ARHGAP25: variants seen among roughly 807,000 people sequenced by gnomAD.
The protein encoded by ARHGAP25 is rho GTPase-activating protein 25.
In ARHGAP25, 34 loss-of-function variants were observed where a neutral mutation model predicts 71.0. The ratio of observed to expected loss-of-function variants is 0.48; its 90% CI spans 0.36 to 0.64. The LOEUF (loss-of-function observed/expected upper bound fraction) is 0.64, where lower values mean the gene tolerates loss of function less well. Ranked by LOEUF, ARHGAP25 falls within the 30% of genes least tolerant of loss-of-function variation. The pLI is 0.00. For missense variants in ARHGAP25, 706 were observed against 805.1 expected (o/e 0.88, Z 1.49); for synonymous variants, 282 against 296.5 (o/e 0.95, Z 0.50).
At chr2:68,727,272 C>T (rs1674908099) in intron 2 of ARHGAP25, among the ~76,000 whole-genome samples, 1 of 152,204 alleles carries the variant, frequency 6.6e-6, no homozygotes, top group African/African-American at 2.4e-5. Flanking sequence ...AAATGTGTTT[C>T]CTCCCAATCT....
At chr2:68,777,931 G>A (rs549696460) in intron 2 of ARHGAP25, among the ~76,000 whole-genome samples, 1 of 151,922 alleles carries the variant, frequency 6.6e-6, no homozygotes, top group Non-Finnish European at 1.5e-5. Context: ...TATTGTAAAT[G>A]CAAAATTAGT....
At chr2:68,768,572 A>G (rs1195943225) in intron 1 of ARHGAP25, among the ~76,000 whole-genome samples, 1 of 152,204 alleles carries the variant, frequency 6.6e-6, no homozygotes, top group Non-Finnish European at 1.5e-5. Flanking sequence ...TTATCCCCAC[A>G]GCCTCAAGTT....
intron 2 of ARHGAP25, among the ~76,000 whole-genome samples, chr2:68,729,087 G>T (rs1674947804): frequency 6.6e-6 from 1 of 152,194 alleles, no homozygotes; most frequent in African/African-American, 2.4e-5. Context: ...GACATAAAGT[G>T]GTTGCCTAGT....
At chr2:68,742,720 T>A (rs1383516578) in intron 1 of ARHGAP25, among the ~76,000 whole-genome samples, 1 of 152,220 alleles carries the variant, frequency 6.6e-6, no homozygotes, top group Non-Finnish European at 1.5e-5. Context: ...GTTTTGTTTG[T>A]CTTGATTAGG....
intron 1 of ARHGAP25, among the ~76,000 whole-genome samples, chr2:68,764,264 C>A (rs1029641187): frequency 3.9e-5 from 6 of 152,138 alleles, no homozygotes; most frequent in African/African-American, 1.4e-4. Flanking sequence ...TATCCAGTAA[C>A]CTGTTTGTGG....
chr2:68,714,836 GA>G (rs916207761), intron 2 of ARHGAP25, among the ~76,000 whole-genome samples: 15 of 151,590 alleles, frequency 9.9e-5, no homozygotes, highest in African/African-American at 3.6e-4. Context: ...TTCCTTAGTA[GA>G]AAAAAAATGT....
rs376659711 is a variant in ARHGAP25, at chr2:68,822,662, C to A, written c.1523C>A (p.Ser508Tyr). The A allele has an allele frequency of 7.4e-5, 120 of 1,614,068 alleles. No homozygotes were observed. Among genetic ancestry groups the A allele is most frequent in the Non-Finnish European group, 1.0e-4 (118 of 1,180,046 alleles). ...QRTSTYDNVP[S>Y]LPGSPGEEAS... ...ACTTCCACCTACGATAACGTCCCTT[C>A]CCTGCCAGGGTCCCCTGGGGAGGAA... is the stretch of plus-strand genomic sequence containing the variant. The change falls in exon 10 of 11, where the codon TCC becomes TAC. Residue 508 changes from serine (S) to tyrosine (Y), a missense_variant. Transcript: ENST00000409202.
intron 1 of ARHGAP25, among the ~76,000 whole-genome samples, chr2:68,760,376 T>C (rs1395042433): frequency 1.3e-5 from 2 of 151,886 alleles, no homozygotes; most frequent in East Asian, 3.9e-4. Context: ...AGCATCCACA[T>C]TAGAAAAGAA....
Position 68,749,679 on chromosome 2 carries a change from C to T in ARHGAP25, c.61+14419C>T, listed in dbSNP as rs568681372. On this transcript the variant is annotated intron_variant, in intron 1 of 10. Coordinates refer to ENST00000409202, the MANE Select transcript of ARHGAP25 (RefSeq NM_001007231.3). ...CTGCACTAAGTTAGTGGTTACCAAA[C>T]GTGGCTGTCCTGGGGAGGTTTAAAA... is the stretch of plus-strand genomic sequence containing the variant. Among the ~76,000 whole-genome samples, 6 of 152,286 alleles carry T rather than the reference C, an allele frequency of 3.9e-5. No individual in the cohort carries two copies. In the South Asian group the frequency reaches 6.2e-4, roughly 16 times the overall value.
intron 4 of ARHGAP25, among the ~76,000 whole-genome samples, chr2:68,801,234 TG>T (rs760915966): frequency 6.6e-6 from 1 of 152,150 alleles, no homozygotes; most frequent in Non-Finnish European, 1.5e-5. Flanking sequence ...AGGCTGCAGA[TG>T]TCAAGTTCAA....
At chr2:68,730,740 C>G (rs1337418637), upstream of ARHGAP25, among the ~76,000 whole-genome samples, 2 of 152,122 alleles carry the variant, frequency 1.3e-5, no homozygotes, top group Non-Finnish European at 2.9e-5. Flanking sequence ...CCTGCAACTT[C>G]AACTAGTGGG....
chr2:68,808,893 G>T (rs1658118346), intron 5 of ARHGAP25, among the ~76,000 whole-genome samples: 1 of 152,118 alleles, frequency 6.6e-6, no homozygotes, highest in Admixed American at 6.5e-5. Context: ...GGGAATCTTT[G>T]ATTATTTTGA....
chr2:68,746,705 C>A (rs1675835168), intron 1 of ARHGAP25, among the ~76,000 whole-genome samples: 1 of 150,060 alleles, frequency 6.7e-6, no homozygotes, highest in East Asian at 1.9e-4. Context: ...CAGGGACCAC[C>A]CCCCTCCCCA....
In ARHGAP25 at chr2:68,735,235, C is replaced by G; in HGVS notation, c.36C>G (p.Asn12Lys). Reference sequence around the variant, plus strand: ...AATTGCCAAGGAACTGGGATTTCAACCTGAAAGTGGAGGCTGCGAAAATAG... The same window carrying G: ...AATTGCCAAGGAACTGGGATTTCAAGCTGAAAGTGGAGGCTGCGAAAATAG... ...SLKLPRNWDFNLKVEAAKIAR... is the reference protein window; with the variant it reads ...SLKLPRNWDFKLKVEAAKIAR... The change falls in exon 1 of 11, where the codon AAC becomes AAG. Residue 12 changes from asparagine to lysine, a missense_variant. Coordinates refer to ENST00000409202, the MANE Select transcript of ARHGAP25 (RefSeq NM_001007231.3). 6.2e-7 allele frequency: 1 copy of G among 1,614,122 alleles called. No individual in the cohort carries two copies. The highest frequency in any genetic ancestry group is 8.5e-7 in the Non-Finnish European group (1 of 1,179,996).
At chr2:68,713,823 C>G (rs953926066) in intron 2 of ARHGAP25, among the ~76,000 whole-genome samples, 3 of 150,484 alleles carry the variant, frequency 2.0e-5, no homozygotes, top group Non-Finnish European at 3.0e-5. Flanking sequence ...ATGTTGAACC[C>G]AGGAATGAAG....
intron 3 of ARHGAP25, 96 bp from the exon 4 acceptor site, chr2:68,787,744 A>T (rs1047230342): frequency 1.0e-6 from 1 of 963,266 alleles, no homozygotes. Flanking sequence ...GCTTCATTGA[A>T]CCAAGACATC....
chr2:68,721,637 T>G (rs1053490797), intron 2 of ARHGAP25, among the ~76,000 whole-genome samples: 5 of 152,236 alleles, frequency 3.3e-5, no homozygotes, highest in African/African-American at 9.6e-5. Flanking sequence ...ATATCAGCAG[T>G]GAAATCAGCT....
intron 6 of ARHGAP25, among the ~76,000 whole-genome samples, chr2:68,814,551 G>A (rs1219054796): frequency 6.6e-6 from 1 of 152,154 alleles, no homozygotes; most frequent in Admixed American, 6.5e-5. Flanking sequence ...ATACTGGTGG[G>A]TGACTTTAAA....
chr2:68,740,508 G>A (rs1033196136), intron 1 of ARHGAP25, among the ~76,000 whole-genome samples: 2 of 152,050 alleles, frequency 1.3e-5, no homozygotes, highest in African/African-American at 4.8e-5. Flanking sequence ...TTTCTCATCT[G>A]CCTGGAGCCC....
Sources: allele counts gnomAD v4.1 joint callset (sites outside exome capture counted in the v4.1 genomes callset), GRCh38; gene constraint gnomAD v4.1.1; transcripts MANE v1.5; gene names NCBI Gene and HGNC (gene_info 2026-07-23, HGNC 2026-07-21).